RNF4: variants seen among roughly 807,000 people sequenced by gnomAD.
RNF4 encodes ring finger protein 4, also known as E3 ubiquitin-protein ligase RNF4.
A neutral mutation model predicts 24.3 loss-of-function variants in RNF4; 7 were observed. That is an observed-to-expected ratio of 0.29 (90% CI 0.16 to 0.54). The LOEUF (loss-of-function observed/expected upper bound fraction) is 0.54. Among genes scored for constraint, RNF4 ranks in the 20% least tolerant of loss-of-function variants. RNF4 has a pLI of 0.95. For synonymous variants in RNF4, 83 were observed against 84.3 expected (o/e 0.98, Z 0.09); for missense variants, 209 against 248.5 (o/e 0.84, Z 1.07).
chr4:2,504,482 T>A (rs76671438), intron 4 of RNF4, among the ~76,000 whole-genome samples: 5,074 of 152,144 alleles, frequency 0.033, 299 homozygotes, highest in African/African-American at 0.11. Flanking sequence ...TTTATTTTTC[T>A]CTTTTGTGAA....
intron 4 of RNF4, among the ~76,000 whole-genome samples, chr4:2,508,979 A>G (rs1346647272): frequency 3.7e-5 from 5 of 136,102 alleles, no homozygotes; most frequent in Admixed American, 1.6e-4. Flanking sequence ...CTGGAGTACA[A>G]TGGATCTCAG....
chr4:2,502,843 C>CAAAA (rs61616696), intron 4 of RNF4, among the ~76,000 whole-genome samples: 2 of 130,802 alleles, frequency 1.5e-5, no homozygotes, highest in African/African-American at 2.8e-5. Flanking sequence ...GACTCTGTCT[C>CAAAA]AAAAAAAAAA....
chr4:2,490,308 T>C (rs955271993), intron 1 of RNF4, 29 bp from the exon 2 acceptor site: 74 of 591,832 alleles, frequency 1.3e-4, no homozygotes, highest in Non-Finnish European at 2.1e-4. Flanking sequence ...AGTGGCAGTA[T>C]TTATCAAATT....
intron 3 of RNF4, among the ~76,000 whole-genome samples, chr4:2,497,774 A>G (rs927650071): frequency 1.3e-5 from 2 of 152,102 alleles, no homozygotes; most frequent in African/African-American, 2.4e-5. Context: ...AGCTGGGACT[A>G]TAGGCACCCG....
At chr4:2,508,129 G>T (rs147825500) in intron 4 of RNF4, among the ~76,000 whole-genome samples, 19 of 152,276 alleles carry the variant, frequency 1.2e-4, no homozygotes, top group South Asian at 2.1e-4. Context: ...TTGCAGATAT[G>T]GGACACCATG....
intron 1 of RNF4, among the ~76,000 whole-genome samples, chr4:2,482,362 C>T (rs1386920038): frequency 6.6e-6 from 1 of 152,200 alleles, no homozygotes. Flanking sequence ...GCTCAGTGGC[C>T]ATCAACACCA....
At chr4:2,492,183 GCA>G (rs1735602063) in intron 2 of RNF4, among the ~76,000 whole-genome samples, 1 of 150,794 alleles carries the variant, frequency 6.6e-6, no homozygotes, top group Admixed American at 6.6e-5. Context: ...TGGGGGCAGA[GCA>G]AGACTCCATC....
intron 4 of RNF4, among the ~76,000 whole-genome samples, chr4:2,506,485 T>G (rs2108775649): frequency 6.6e-6 from 1 of 152,298 alleles, no homozygotes; most frequent in East Asian, 1.9e-4. Context: ...TCCGGCCTCC[T>G]TGGTTGCTTT....
At chr4:2,488,388 G>T (rs1456654866) in intron 1 of RNF4, among the ~76,000 whole-genome samples, 1 of 152,198 alleles carries the variant, frequency 6.6e-6, no homozygotes, top group Non-Finnish European at 1.5e-5. Context: ...ACTTGAACCT[G>T]GGAGGTGGAG....
intron 4 of RNF4, among the ~76,000 whole-genome samples, chr4:2,510,052 G>C (rs1736228484): frequency 6.6e-6 from 1 of 152,184 alleles, no homozygotes; most frequent in African/African-American, 2.4e-5. Flanking sequence ...ATTGTCCCCA[G>C]ATTTCCCTTT....
chr4:2,495,139 T>TGTCGCTTG (rs1735694313), intron 2 of RNF4, among the ~76,000 whole-genome samples: 1 of 152,232 alleles, frequency 6.6e-6, no homozygotes, highest in South Asian at 2.1e-4. Flanking sequence ...TTTTGGCTGC[T>TGTCGCTTG]GTCGCTTGGC....
Position 2,469,212 on chromosome 4 carries a change from G to C in RNF4, c.-204G>C, listed in dbSNP as rs1389441234. The C allele has an allele frequency of 1.3e-5, 2 of 152,178 alleles. No homozygotes were observed. Among genetic ancestry groups the C allele is most frequent in the African/African-American group, 4.8e-5 (2 of 41,436 alleles). The allele number at this position is 152,178 out of a possible 1,614,324, so 9.4% of individuals were successfully genotyped here. ...GGAGTGCGCCGGCGGTGGCGCCTGC[G>C]GACCTAACTAGCTCCAGGTTAGGCC... On this transcript the variant is annotated 5_prime_UTR_variant, in exon 1 of 8. Transcript: ENST00000314289.
chr4:2,499,265 A>T (rs1735837670), intron 3 of RNF4: 1 of 449,346 alleles, frequency 2.2e-6, no homozygotes, highest in Non-Finnish European at 4.4e-6. Flanking sequence ...TTTCTTAAAA[A>T]ACTTCATTTA....
chr4:2,512,568 C>T lies in RNF4; in HGVS notation c.345C>T (p.Asn115=), dbSNP rs750044459. The change falls in exon 6 of 8, where the codon AAC becomes AAT. Residue 115 remains asparagine (N), a synonymous_variant. Coordinates refer to ENST00000314289, the MANE Select transcript of RNF4 (RefSeq NM_002938.5). The surrounding 1 kb of genome is among the most constrained non-coding windows in gnomAD (Gnocchi z 4.1). ...ATGTGACTACCCATACTCCCAGAAA[C>T]GCCAGGGATGAGGGCGCTACAGGCC... ...DVYVTTHTPR[N]ARDEGATGLR... The T allele has an allele frequency of 1.4e-5, 22 of 1,613,886 alleles. No individual in the cohort carries two copies. Among genetic ancestry groups the T allele is most frequent in the South Asian group, 7.7e-5 (7 of 91,082 alleles).
rs1224100376 is a variant in RNF4, at chr4:2,512,649, G to A, written c.374+52G>A. ...CCGCCATGCTAGGATGTGGGGCCAG[G>A]GCATGGGAATACTTTTCAGCAAATC... On this transcript the variant is annotated intron_variant, in intron 6 of 7. Transcript: ENST00000314289. This position sits in a 1 kb window ranked among gnomAD's most constrained non-coding sequence, Gnocchi z 4.1. The A allele has an allele frequency of 1.9e-6, 3 of 1,594,688 alleles. No individual in the cohort carries two copies. The East Asian group carries it at 6.7e-5, about 36-fold the overall frequency.
At chr4:2,491,300 G>A (rs1231021878) in intron 2 of RNF4, among the ~76,000 whole-genome samples, 6 of 152,118 alleles carry the variant, frequency 3.9e-5, no homozygotes, top group Non-Finnish European at 2.9e-5. Flanking sequence ...GCAGTGGCCC[G>A]ACCTCGGCTC....
intron 2 of RNF4, among the ~76,000 whole-genome samples, chr4:2,492,153 C>T (rs920955527): frequency 3.3e-5 from 5 of 151,040 alleles, no homozygotes; most frequent in Admixed American, 3.3e-4. Context: ...GAGCTGAGAT[C>T]GTGCCACTGC....
chr4:2,499,267 C>A, intron 3 of RNF4: 1 of 448,356 alleles, frequency 2.2e-6, no homozygotes, highest in Non-Finnish European at 4.5e-6. Flanking sequence ...TCTTAAAAAA[C>A]TTCATTTAGT....
chr4:2,487,997 C>T (rs1185072393), intron 1 of RNF4, among the ~76,000 whole-genome samples: 3 of 152,226 alleles, frequency 2.0e-5, no homozygotes, highest in Admixed American at 1.3e-4. Context: ...CCTTTCTCCT[C>T]CTGTACTTCT....
Sources: allele counts gnomAD v4.1 joint callset (sites outside exome capture counted in the v4.1 genomes callset), GRCh38; gene constraint gnomAD v4.1.1; non-coding constraint Gnocchi (gnomAD v3.1); transcripts MANE v1.5; gene names NCBI Gene and HGNC (gene_info 2026-07-23, HGNC 2026-07-21).